Variants in TTC6 observed in about 807,000 individuals in gnomAD.
TTC6 encodes the protein tetratricopeptide repeat protein 6.
Under a neutral mutation model 210.4 loss-of-function variants are expected in TTC6, and 172 were observed. That is an observed-to-expected ratio of 0.82 (90% confidence interval 0.72 to 0.93). TTC6 has a LOEUF of 0.93. TTC6 is among the 40% of genes least tolerant of loss of function. The pLI is 0.00. For synonymous variants in TTC6, 804 were observed against 819.6 expected, an observed-to-expected ratio of 0.98 and a Z score of 0.32; for missense variants, 2,414 against 2,318.1, an observed-to-expected ratio of 1.04 and a Z score of -0.85.
intron 1 of TTC6, among the ~76,000 whole-genome samples, chr14:37,653,414 G>T (rs1196449243): frequency 6.6e-6 from 1 of 152,120 alleles, no homozygotes; most frequent in Non-Finnish European, 1.5e-5. Context: ...TTATTTGGAT[G>T]TTGGGGGTCT....
intron 25 of TTC6, among the ~76,000 whole-genome samples, chr14:37,815,213 A>T (rs1490753914): frequency 6.6e-6 from 1 of 152,200 alleles, no homozygotes; most frequent in East Asian, 1.9e-4. Flanking sequence ...GCCAAGGATC[A>T]GAGCTTAAGG....
chr14:37,696,046 T>C (rs1263865487), intron 3 of TTC6, among the ~76,000 whole-genome samples: 1 of 152,206 alleles, frequency 6.6e-6, no homozygotes. Context: ...CTGTATTCAT[T>C]GAACTTTCTT....
intron 1 of TTC6, among the ~76,000 whole-genome samples, chr14:37,661,464 A>T (rs527432512): frequency 6.6e-6 from 1 of 152,284 alleles, no homozygotes; most frequent in East Asian, 1.9e-4. Context: ...AGGTTTGTTG[A>T]AGATTAGATG....
chr14:37,596,856 T>G (rs1489357595), intron 1 of TTC6, among the ~76,000 whole-genome samples: 4 of 152,240 alleles, frequency 2.6e-5, no homozygotes, highest in Non-Finnish European at 5.9e-5. Context: ...TTCCCTGTGC[T>G]TTGTTCTTTT....
chr14:37,818,605 C>T (rs1435988591), intron 26 of TTC6, among the ~76,000 whole-genome samples: 2 of 151,912 alleles, frequency 1.3e-5, no homozygotes, highest in Non-Finnish European at 1.5e-5. Flanking sequence ...ATCCTTTTCT[C>T]TTTGAGGACA....
chr14:37,617,800 T>A (rs1241530926), upstream of TTC6, among the ~76,000 whole-genome samples: 1 of 152,204 alleles, frequency 6.6e-6, no homozygotes, highest in Admixed American at 6.5e-5. Flanking sequence ...TTTGGAACTT[T>A]AGTACTGTGC....
At chr14:37,721,298 G>A (rs112045882) in intron 6 of TTC6, among the ~76,000 whole-genome samples, 1 of 151,968 alleles carries the variant, frequency 6.6e-6, no homozygotes, top group Non-Finnish European at 1.5e-5. Context: ...TCACACATTG[G>A]TTATTTGGAA....
chr14:37,602,527 C>G (rs1426175629), intron 1 of TTC6, among the ~76,000 whole-genome samples: 2 of 152,134 alleles, frequency 1.3e-5, no homozygotes, highest in Non-Finnish European at 2.9e-5. Flanking sequence ...ACCTCCTCTT[C>G]TGGGCTGCTA....
At chr14:37,809,750 T>G (rs529967824) in intron 24 of TTC6, among the ~76,000 whole-genome samples, 1 of 152,128 alleles carries the variant, frequency 6.6e-6, no homozygotes, top group Non-Finnish European at 1.5e-5. Flanking sequence ...ATCCAGCATC[T>G]ACCTGTGCAA....
intron 1 of TTC6, among the ~76,000 whole-genome samples, chr14:37,624,237 T>C (rs2095656352): frequency 1.3e-5 from 2 of 152,178 alleles, no homozygotes; most frequent in South Asian, 4.1e-4. Flanking sequence ...CCATTGTTAC[T>C]GAACAAGATT....
intron 1 of TTC6, among the ~76,000 whole-genome samples, chr14:37,668,624 A>C (rs571760296): frequency 3.0e-4 from 46 of 152,308 alleles, no homozygotes; most frequent in African/African-American, 1.0e-3. Context: ...TAAAATGGAT[A>C]AATCCAGAGA....
chr14:37,687,060 C>T (rs115269777), intron 3 of TTC6, among the ~76,000 whole-genome samples: 2,011 of 152,242 alleles, frequency 0.013, 43 homozygotes, highest in African/African-American at 0.046. Flanking sequence ...AACTTCATAT[C>T]ATTGAAAGAG....
At chr14:37,641,244 G>A (rs190967093) in intron 1 of TTC6, among the ~76,000 whole-genome samples, 156 of 152,298 alleles carry the variant, frequency 1.0e-3, no homozygotes, top group African/African-American at 3.6e-3. Flanking sequence ...ATTTGGTTGC[G>A]ATTGAAGTCA....
chr14:37,752,254 C>A (rs2095954543), intron 13 of TTC6, among the ~76,000 whole-genome samples: 1 of 151,984 alleles, frequency 6.6e-6, no homozygotes, highest in Admixed American at 6.6e-5. Flanking sequence ...AATTTAGAAG[C>A]AATTATTTAA....
intron 16 of TTC6, among the ~76,000 whole-genome samples, chr14:37,791,591 T>A (rs1465969402): frequency 1.3e-5 from 2 of 152,056 alleles, no homozygotes; most frequent in African/African-American, 4.8e-5. Context: ...CTTTTGGACA[T>A]TTTTGAGCCA....
intron 13 of TTC6, among the ~76,000 whole-genome samples, chr14:37,751,879 A>G (rs1036291321): frequency 1.4e-5 from 2 of 139,204 alleles, no homozygotes; most frequent in Non-Finnish European, 3.0e-5. Flanking sequence ...GCTGGAGTGC[A>G]GTGGTGCGAT....
intron 14 of TTC6, among the ~76,000 whole-genome samples, chr14:37,757,538 G>T (rs1329264904): frequency 6.6e-6 from 1 of 152,130 alleles, no homozygotes; most frequent in African/African-American, 2.4e-5. Flanking sequence ...CTTCCAAAAT[G>T]CTGGGATTAC....
intron 3 of TTC6, among the ~76,000 whole-genome samples, 175 bp from the exon 6 acceptor site, chr14:37,696,542 A>T (rs1179883038): frequency 3.3e-5 from 5 of 152,114 alleles, no homozygotes; most frequent in Non-Finnish European, 7.4e-5. Flanking sequence ...ATAGGTATAT[A>T]TGTAAAATTT....
intron 7 of TTC6, among the ~76,000 whole-genome samples, chr14:37,735,417 G>A (rs2095898930): frequency 6.6e-6 from 1 of 152,034 alleles, no homozygotes; most frequent in Non-Finnish European, 1.5e-5. Context: ...CTTAATCATA[G>A]TGGCAGTTTA....
Sources: gnomAD v4.1 joint callset for allele counts (sites outside exome capture counted in the v4.1 genomes callset) on GRCh38, gnomAD v4.1.1 for gene constraint, MANE v1.5 for transcripts, NCBI Gene and HGNC (gene_info 2026-07-23, HGNC 2026-07-21) for gene names.